Variants in ASH1L observed in about 807,000 individuals in gnomAD.
ASH1L encodes histone-lysine N-methyltransferase ASH1L.
Under a neutral mutation model 269.0 loss-of-function variants are expected in ASH1L, and 23 were observed. The ratio of observed to expected loss-of-function variants is 0.09; its 90% CI spans 0.06 to 0.12. ASH1L has a LOEUF of 0.12. Ranked by LOEUF, ASH1L falls within the 10% of genes least tolerant of loss-of-function variation. ASH1L has a pLI of 1.00. For missense variants in ASH1L, 2,912 were observed against 3,567.8 expected (o/e 0.82, Z 4.68); for synonymous variants, 1,187 against 1,253.5 (o/e 0.95, Z 1.12).
intron 4 of ASH1L, among the ~76,000 whole-genome samples, chr1:155,445,811 ATTTT>A (rs1333652612): frequency 6.6e-6 from 1 of 151,908 alleles, no homozygotes; most frequent in Admixed American, 6.6e-5. Context: ...AAGACTTTGT[ATTTT>A]TTTAATTTTT....
chr1:155,461,827 C>T (rs1209212029), intron 3 of ASH1L, among the ~76,000 whole-genome samples: 5 of 131,522 alleles, frequency 3.8e-5, no homozygotes, highest in Non-Finnish European at 6.3e-5. Flanking sequence ...TTTTGGGAGA[C>T]GGACTCTGTC....
At chr1:155,409,342 G>GT (rs1351303020) in intron 6 of ASH1L, among the ~76,000 whole-genome samples, 1 of 152,080 alleles carries the variant, frequency 6.6e-6, no homozygotes, top group Non-Finnish European at 1.5e-5. Flanking sequence ...AACCATCAAT[G>GT]TAATTATTAA....
At chr1:155,356,824 C>T (rs1346807327) in intron 15 of ASH1L, among the ~76,000 whole-genome samples, 7 of 151,498 alleles carry the variant, frequency 4.6e-5, no homozygotes, top group Non-Finnish European at 1.0e-4. Context: ...TGTGCTGGCT[C>T]GTATCTGTAA....
At chr1:155,399,334 T>C (rs1658638249) in intron 6 of ASH1L, among the ~76,000 whole-genome samples, 1 of 152,206 alleles carries the variant, frequency 6.6e-6, no homozygotes, top group African/African-American at 2.4e-5. Flanking sequence ...TATCAGAATG[T>C]GATAAAACTT....
intron 20 of ASH1L, among the ~76,000 whole-genome samples, chr1:155,347,005 T>C (rs545736731): frequency 6.6e-6 from 1 of 152,302 alleles, no homozygotes. Flanking sequence ...ATTAATAGAG[T>C]GTATTATCAC....
rs775979198 is a variant in ASH1L at position 155,479,599 on chromosome 1, G to T, written c.3271C>A (p.Pro1091Thr). ...CTACTAGCAGATGAAGGCAGTAATG[G>T]GGGAAGAATCTGTCCTAATGCTGAC... ...AGSALGQILP[P>T]LLPSSASSSE... Residue 1091 changes from proline (P) to threonine (T), a missense_variant, in exon 3 of 28, where the codon CCA becomes ACA. Transcript: ENST00000392403. The T allele has an allele frequency of 6.2e-7, 1 of 1,614,070 alleles. No homozygotes were observed. The highest frequency in any genetic ancestry group is 1.1e-5 in the South Asian group (1 of 91,078).
At chr1:155,382,588 A>G (rs1214905701) in intron 7 of ASH1L, among the ~76,000 whole-genome samples, 2 of 152,210 alleles carry the variant, frequency 1.3e-5, no homozygotes, top group African/African-American at 2.4e-5. Flanking sequence ...AGAAGACATT[A>G]TTACCATATC....
intron 7 of ASH1L, among the ~76,000 whole-genome samples, chr1:155,391,191 C>G (rs1383197030): frequency 6.6e-6 from 1 of 152,186 alleles, no homozygotes; most frequent in Non-Finnish European, 1.5e-5. Flanking sequence ...GGTGATCCAC[C>G]TGCCTCAGCC....
At chr1:155,562,899 C>T (rs1050678974), upstream of ASH1L, 1 of 449,530 alleles carries the variant, frequency 2.2e-6, no homozygotes, top group Non-Finnish European at 4.4e-6. Flanking sequence ...CCGCCGCCAG[C>T]CCCCCCTACC....
intron 4 of ASH1L, among the ~76,000 whole-genome samples, chr1:155,454,598 T>C (rs1663743379): frequency 6.6e-6 from 1 of 151,988 alleles, no homozygotes; most frequent in Non-Finnish European, 1.5e-5. Flanking sequence ...TGAAACCCCA[T>C]CTCTAGTAAA....
rs768148405 is a variant in ASH1L at position 155,562,715 on chromosome 1, G to A, written c.-662C>T. The A allele has an allele frequency of 3.3e-4, 481 of 1,443,818 alleles. No homozygotes were observed. The highest frequency in any genetic ancestry group is 4.0e-4 in the Non-Finnish European group (432 of 1,068,510). The allele number at this position is 1,443,818 out of a possible 1,614,324, so 89.4% of individuals were successfully genotyped here. The stretch of plus-strand genomic sequence containing the variant: ...CGCGCTCACCCACAGGAACCCCCTC[G>A]TCCAGTCCCTCACTACCCCTCAGGC... On this transcript the variant is annotated 5_prime_UTR_variant, in exon 1 of 28. In the 5' UTR this introduces an upstream ATG that the reference lacks. Coordinates refer to ENST00000392403, the MANE Select transcript of ASH1L (RefSeq NM_018489.3).
At chr1:155,387,669 A>G (rs1453155246) in intron 7 of ASH1L, among the ~76,000 whole-genome samples, 4 of 152,148 alleles carry the variant, frequency 2.6e-5, no homozygotes, top group Non-Finnish European at 5.9e-5. Flanking sequence ...TTCTAGCTCT[A>G]TGAAGAATTT....
At chr1:155,500,366 C>A (rs117421991) in intron 2 of ASH1L, among the ~76,000 whole-genome samples, 2 of 152,140 alleles carry the variant, frequency 1.3e-5, no homozygotes, top group African/African-American at 4.8e-5. Context: ...CATAAAAATA[C>A]CTCTAGCTTA....
intron 1 of ASH1L, among the ~76,000 whole-genome samples, chr1:155,529,446 A>T (rs1053234744): frequency 1.3e-5 from 2 of 150,504 alleles, no homozygotes; most frequent in African/African-American, 4.9e-5. Context: ...ATGATCAGTG[A>T]TGTTGAGCTT....
rs1652953411 is a variant in ASH1L at position 155,343,136 on chromosome 1, A to C, written c.8293+178T>G. On this transcript the variant is annotated intron_variant, in intron 24 of 27. Coordinates refer to ENST00000392403, the MANE Select transcript of ASH1L (RefSeq NM_018489.3). The surrounding 1 kb of genome is among the most constrained non-coding windows in gnomAD (Gnocchi z 6.1). ...AGCAATCCTCCCAGTAGTTGGGACT[A>C]CAGGCCTACACTGCCATGCCCAGCT... 1 of 602,874 alleles carries C rather than the reference A, an allele frequency of 1.7e-6. No homozygotes were observed. Among genetic ancestry groups the C allele is most frequent in the East Asian group, 3.0e-5 (1 of 33,700 alleles). The allele number at this position is 602,874 out of a possible 1,614,324, so 37.3% of individuals were successfully genotyped here.
At chr1:155,515,504 G>A (rs1393668800) in intron 2 of ASH1L, among the ~76,000 whole-genome samples, 3 of 152,060 alleles carry the variant, frequency 2.0e-5, no homozygotes, top group Non-Finnish European at 2.9e-5. Context: ...TAATAAAGAT[G>A]TGTTTGAGCC....
At chr1:155,349,724 TTTTTTTTTTTG>T in intron 17 of ASH1L, 128 bp from the exon 18 acceptor site, 1 of 934,574 alleles carries the variant, frequency 1.1e-6, no homozygotes, top group Admixed American at 2.9e-5. Flanking sequence ...TTTTTTTTTT[TTTTTTTTTTTG>T]AGACAGAGTC....
rs374223660 is a variant in ASH1L, at chr1:155,446,695, C to A, written c.5087-7627G>T. ...GGACTGCAGTGGCGCGATCTCGGCTCACTGCAAGCTCCGCCTCCTGGGTTC... is the reference window on the plus strand; with the variant it reads ...GGACTGCAGTGGCGCGATCTCGGCTAACTGCAAGCTCCGCCTCCTGGGTTC... On this transcript the variant is annotated intron_variant, in intron 4 of 27. Coordinates refer to ENST00000392403, the MANE Select transcript of ASH1L (RefSeq NM_018489.3). 2.9e-4 allele frequency among the ~76,000 whole-genome samples: 43 copies of A among 149,084 alleles called. No individual in the cohort carries two copies. The East Asian group carries it at 6.2e-3, about 21-fold the overall frequency.
chr1:155,376,060 C>G (rs756155726), intron 10 of ASH1L, among the ~76,000 whole-genome samples: 2 of 149,220 alleles, frequency 1.3e-5, no homozygotes, highest in Admixed American at 6.7e-5. Context: ...GCTGTGATGG[C>G]GACACTGCAC....
Sources: gnomAD v4.1 joint callset for allele counts (sites outside exome capture counted in the v4.1 genomes callset) on GRCh38, gnomAD v4.1.1 for gene constraint, Gnocchi (gnomAD v3.1) non-coding constraint, MANE v1.5 for transcripts, NCBI Gene and HGNC (gene_info 2026-07-23, HGNC 2026-07-21) for gene names.